OSBP2: variants seen among roughly 807,000 people sequenced by gnomAD.
OSBP2 encodes oxysterol-binding protein 2.
Under a neutral mutation model 96.0 loss-of-function variants are expected in OSBP2, and 66 were observed. The observed-to-expected ratio is 0.69, with a 90% CI of 0.56 to 0.84. The LOEUF is 0.84. OSBP2 is among the 40% of genes least tolerant of loss of function. The pLI is 0.00. For missense variants in OSBP2, 1,038 were observed against 1,222.7 expected (o/e 0.85, Z 2.25); for synonymous variants, 525 against 520.9 (o/e 1.01, Z -0.11).
intron 2 of OSBP2, among the ~76,000 whole-genome samples, chr22:30,750,647 T>G (rs1284972828): frequency 6.6e-6 from 1 of 152,256 alleles, no homozygotes; most frequent in Non-Finnish European, 1.5e-5. Context: ...CTCCAAAGCC[T>G]GCTACCTGGA....
At chr22:30,716,969 A>G (rs920269428) in intron 1 of OSBP2, among the ~76,000 whole-genome samples, 1 of 152,064 alleles carries the variant, frequency 6.6e-6, no homozygotes, top group Admixed American at 6.6e-5. Flanking sequence ...TTTTGGTGTC[A>G]TATCCAAGAA....
chr22:30,797,386 G>A (rs955354091), intron 2 of OSBP2, among the ~76,000 whole-genome samples: 5 of 151,906 alleles, frequency 3.3e-5, no homozygotes, highest in East Asian at 1.9e-4. Flanking sequence ...GGCTTCAAGC[G>A]ATTCTCCTGC....
chr22:30,743,454 C>T (rs2145743300), intron 2 of OSBP2, among the ~76,000 whole-genome samples: 2 of 152,168 alleles, frequency 1.3e-5, no homozygotes, highest in East Asian at 3.9e-4. Flanking sequence ...ACGGCGGTCC[C>T]CCGGGTACCA....
chr22:30,888,385 A>G, intron 5 of OSBP2, 45 bp downstream of exon 5: 1 of 1,139,800 alleles, frequency 8.8e-7, no homozygotes. Context: ...CCCTGGTCTT[A>G]GGCTGCATCT....
intron 1 of OSBP2, among the ~76,000 whole-genome samples, chr22:30,697,064 A>G (rs2089055002): frequency 6.6e-6 from 1 of 152,148 alleles, no homozygotes. Context: ...CTGAACACCA[A>G]CATCTGGACC....
chr22:30,733,482 A>T (rs903347915), intron 1 of OSBP2, among the ~76,000 whole-genome samples: 1 of 152,160 alleles, frequency 6.6e-6, no homozygotes, highest in African/African-American at 2.4e-5. Flanking sequence ...GTGAGTCACT[A>T]ACCCTTCCAT....
chr22:30,870,319 G>C lies in OSBP2; in HGVS notation c.854-110G>C. 1 of 1,128,742 alleles carries C rather than the reference G, an allele frequency of 8.9e-7. No homozygotes were observed. The highest frequency in any genetic ancestry group is 1.3e-6 in the Non-Finnish European group (1 of 782,918). The allele number at this position is 1,128,742 out of a possible 1,614,324, so 69.9% of individuals were successfully genotyped here. On this transcript the variant is annotated intron_variant, in intron 2 of 13. Coordinates refer to ENST00000332585, the MANE Select transcript of OSBP2 (RefSeq NM_030758.4). The surrounding 1 kb of genome is among the most constrained non-coding windows in gnomAD (Gnocchi z 4.1). ...AGGAACGGGCACCATCTCGGGGACT[G>C]ATGTTTTTTGAATGGCGCTATCCAC... is the stretch of plus-strand genomic sequence containing the variant.
intron 1 of OSBP2, among the ~76,000 whole-genome samples, chr22:30,712,315 G>A (rs2089366057): frequency 6.6e-6 from 1 of 152,150 alleles, no homozygotes. Flanking sequence ...GCTGGGAGAG[G>A]AGGAGCCCAG....
chr22:30,813,715 T>C (rs755723192), intron 2 of OSBP2, among the ~76,000 whole-genome samples: 2 of 152,074 alleles, frequency 1.3e-5, no homozygotes, highest in African/African-American at 2.4e-5. Flanking sequence ...GACATTGAGA[T>C]TGACTCTTCT....
chr22:30,699,402 T>G (rs541647837), intron 1 of OSBP2, among the ~76,000 whole-genome samples: 1 of 152,328 alleles, frequency 6.6e-6, no homozygotes, highest in South Asian at 2.1e-4. Context: ...CAAACATTCT[T>G]GTATGTGTGC....
In OSBP2 at chr22:30,739,465, C is replaced by A. The variant is rs534978552; in HGVS notation, c.645-1696C>A. ...ATGGCAGGATCCCAACCTGCTCCAA[C>A]TCTGTAGTTCTTTTTTTTGTTTGTT... On this transcript the variant is annotated intron_variant, in intron 1 of 13. Coordinates refer to ENST00000332585, the MANE Select transcript of OSBP2 (RefSeq NM_030758.4). Among the ~76,000 whole-genome samples the A allele has an allele frequency of 6.0e-4, 91 of 152,292 alleles. 1 individual carries two copies. Among genetic ancestry groups the A allele is most frequent in the African/African-American group, 2.1e-3 (87 of 41,564 alleles).
chr22:30,839,266 G>A (rs2038698319), intron 2 of OSBP2, among the ~76,000 whole-genome samples: 1 of 145,990 alleles, frequency 6.8e-6, no homozygotes, highest in African/African-American at 2.6e-5. Flanking sequence ...CATTTGGCTT[G>A]GTTCCAAGTC....
intron 2 of OSBP2, among the ~76,000 whole-genome samples, chr22:30,846,347 A>G (rs2038870919): frequency 6.6e-6 from 1 of 152,042 alleles, no homozygotes; most frequent in Non-Finnish European, 1.5e-5. Flanking sequence ...GGGTCTCACC[A>G]TATTGGCCAG....
At chr22:30,843,680 A>G (rs2038805426) in intron 2 of OSBP2, among the ~76,000 whole-genome samples, 2 of 152,208 alleles carry the variant, frequency 1.3e-5, no homozygotes, top group Middle Eastern at 3.4e-3. Context: ...CCTGGGCAAC[A>G]TAGTGAAACC....
intron 2 of OSBP2, among the ~76,000 whole-genome samples, chr22:30,862,954 C>T (rs1183980149): frequency 1.5e-5 from 2 of 133,898 alleles, no homozygotes; most frequent in Non-Finnish European, 3.2e-5. Flanking sequence ...GCCCGGGTGA[C>T]TCTGTCTCAA....
At chr22:30,719,670 C>G (rs1169732647) in intron 1 of OSBP2, among the ~76,000 whole-genome samples, 1 of 151,472 alleles carries the variant, frequency 6.6e-6, no homozygotes, top group Admixed American at 6.6e-5. Context: ...ATGAGAATTG[C>G]TTGAACCAAG....
At position 30,774,420 on chromosome 22, in the gene OSBP2, GT is replaced by G. The variant is rs544170502; in HGVS notation, c.853+33053del. On this transcript the variant is annotated intron_variant, in intron 2 of 13. Transcript: ENST00000332585. ...CATTGTGGAGAGCATTGTCATTGGAGTTAAGTGCCCAGGCCTCAAGCTAGCC... is the reference window on the plus strand; with the variant it reads ...CATTGTGGAGAGCATTGTCATTGGAGTAAGTGCCCAGGCCTCAAGCTAGCC... 1.9e-3 allele frequency among the ~76,000 whole-genome samples: 294 copies of G among 152,332 alleles called. 1 individual carries two copies. The highest frequency in any genetic ancestry group is 6.6e-3 in the African/African-American group (273 of 41,566).
At chr22:30,831,708 AG>A (rs1261034908) in intron 2 of OSBP2, among the ~76,000 whole-genome samples, 3 of 152,054 alleles carry the variant, frequency 2.0e-5, no homozygotes, top group Non-Finnish European at 4.4e-5. Context: ...GGAGTTATCT[AG>A]TGGGAGGTGG....
intron 2 of OSBP2, among the ~76,000 whole-genome samples, chr22:30,851,258 T>TGG (rs1392731156): frequency 1.3e-5 from 2 of 151,498 alleles, no homozygotes; most frequent in Non-Finnish European, 2.9e-5. Context: ...TTAGTAGAGA[T>TGG]GGGGTTTTAC....
Sources: allele counts gnomAD v4.1 joint callset (sites outside exome capture counted in the v4.1 genomes callset), GRCh38; gene constraint gnomAD v4.1.1; non-coding constraint Gnocchi (gnomAD v3.1); transcripts MANE v1.5; gene names NCBI Gene and HGNC (gene_info 2026-07-23, HGNC 2026-07-21).